SLC25A33: variants seen among roughly 807,000 people sequenced by gnomAD.
SLC25A33 encodes solute carrier family 25 member 33, also known as bone marrow stromal cell mitochondrial carrier protein.
In SLC25A33, 15 loss-of-function variants were observed where a neutral mutation model predicts 35.5. The ratio of observed to expected loss-of-function variants is 0.42; its 90% CI spans 0.28 to 0.65. The LOEUF is 0.65. SLC25A33 is among the 30% of genes least tolerant of loss of function. The pLI, the probability that SLC25A33 is intolerant of heterozygous loss-of-function variation, is 0.20. For missense variants in SLC25A33, 257 were observed against 398.5 expected, an observed-to-expected ratio of 0.64 and a Z score of 3.02; for synonymous variants, 136 against 148.7, an observed-to-expected ratio of 0.91 and a Z score of 0.62.
intron 1 of SLC25A33, among the ~76,000 whole-genome samples, chr1:9,545,206 T>G (rs979427389): frequency 4.6e-5 from 7 of 151,724 alleles, no homozygotes; most frequent in South Asian, 2.1e-4. Flanking sequence ...TTTTTGGTGG[T>G]TTTTTTTGTT....
intron 4 of SLC25A33, among the ~76,000 whole-genome samples, chr1:9,572,918 A>AT (rs1553147436): frequency 2.4e-3 from 367 of 151,458 alleles, no homozygotes; most frequent in African/African-American, 8.5e-3. Context: ...AAAAAAAAAA[A>AT]TTTTTTTAAA....
At chr1:9,555,793 T>C (rs1403540747) in intron 2 of SLC25A33, among the ~76,000 whole-genome samples, 1 of 152,228 alleles carries the variant, frequency 6.6e-6, no homozygotes, top group Non-Finnish European at 1.5e-5. Context: ...CAAGCGATTC[T>C]TCTGCCTCAG....
chr1:9,582,753 A>G lies in SLC25A33; in HGVS notation c.*252A>G, dbSNP rs2100418522. The G allele has an allele frequency of 2.2e-6, 1 of 462,538 alleles. No homozygotes were observed. Among genetic ancestry groups the G allele is most frequent in the East Asian group, 4.0e-5 (1 of 24,952 alleles). 28.7% of individuals were successfully genotyped at this position (462,538 alleles called of 1,614,324 possible). On this transcript the variant is annotated 3_prime_UTR_variant, in exon 7 of 7. Coordinates refer to ENST00000302692, the MANE Select transcript of SLC25A33 (RefSeq NM_032315.3). This position sits in a 1 kb window ranked among gnomAD's most constrained non-coding sequence, Gnocchi z 4.0. ...GGTTAAGCACCAACTAAATTAAATCATGCTATTTAATTTAAGTATACATTT... is the reference window on the plus strand; with the variant it reads ...GGTTAAGCACCAACTAAATTAAATCGTGCTATTTAATTTAAGTATACATTT...
chr1:9,564,765 T>TATATATATATATATATATACATATAC, intron 2 of SLC25A33, among the ~76,000 whole-genome samples: 1 of 114,826 alleles, frequency 8.7e-6, no homozygotes, highest in East Asian at 3.2e-4. Context: ...TATATATATA[T>TATATATATATATATATATACATATAC]ACACAAAAAT....
At chr1:9,570,702 G>GTTT (rs35547370) in intron 4 of SLC25A33, among the ~76,000 whole-genome samples, 299 of 100,048 alleles carry the variant, frequency 3.0e-3, no homozygotes, top group East Asian at 6.0e-3. Context: ...GATAGATATA[G>GTTT]TTTTTTTTTT....
chr1:9,563,733 C>A (rs1326785656), intron 2 of SLC25A33, among the ~76,000 whole-genome samples: 1 of 151,534 alleles, frequency 6.6e-6, no homozygotes, highest in Non-Finnish European at 1.5e-5. Flanking sequence ...CTTTCTGAGA[C>A]AGAGTCCTGC....
At chr1:9,543,377 C>T (rs750384344) in intron 1 of SLC25A33, among the ~76,000 whole-genome samples, 1 of 152,152 alleles carries the variant, frequency 6.6e-6, no homozygotes, top group African/African-American at 2.4e-5. Context: ...CTCCTGCCCT[C>T]AGGTGATCCG....
At chr1:9,555,175 T>C (rs953811610) in intron 2 of SLC25A33, among the ~76,000 whole-genome samples, 2 of 142,314 alleles carry the variant, frequency 1.4e-5, no homozygotes, top group African/African-American at 5.3e-5. Context: ...TGGAGTGCAG[T>C]GGTGCGATCT....
chr1:9,576,170 G>A (rs1021082152), intron 5 of SLC25A33, among the ~76,000 whole-genome samples: 1 of 152,226 alleles, frequency 6.6e-6, no homozygotes, highest in Non-Finnish European at 1.5e-5. Flanking sequence ...TCTCTCAGCA[G>A]TGAATATTTG....
chr1:9,556,821 C>T (rs1391558869), intron 2 of SLC25A33, among the ~76,000 whole-genome samples: 1 of 152,080 alleles, frequency 6.6e-6, no homozygotes, highest in Non-Finnish European at 1.5e-5. Flanking sequence ...GAACAACTTC[C>T]ACACCACACA....
Position 9,554,258 on chromosome 1 carries a change from G to A in SLC25A33, c.236+453G>A, listed in dbSNP as rs191673607. Among the ~76,000 whole-genome samples the A allele has an allele frequency of 3.2e-4, 48 of 152,208 alleles. 1 individual carries two copies. The highest frequency in any genetic ancestry group is 1.0e-3 in the African/African-American group (43 of 41,522). Reference sequence around the variant, plus strand: ...GAGTGCAATGGTGCGATCTTGGCTCGCTGCAGGTGATCTGCCCACCTTGGC... The same window carrying A: ...GAGTGCAATGGTGCGATCTTGGCTCACTGCAGGTGATCTGCCCACCTTGGC... On this transcript the variant is annotated intron_variant, in intron 2 of 6. Transcript: ENST00000302692.
At chr1:9,571,979 G>A (rs942900706) in intron 4 of SLC25A33, among the ~76,000 whole-genome samples, 3 of 152,126 alleles carry the variant, frequency 2.0e-5, no homozygotes, top group South Asian at 2.1e-4. Flanking sequence ...GGCATTTTAC[G>A]AAAAATTTGC....
At chr1:9,564,126 T>C (rs1037746996) in intron 2 of SLC25A33, among the ~76,000 whole-genome samples, 1 of 152,184 alleles carries the variant, frequency 6.6e-6, no homozygotes, top group African/African-American at 2.4e-5. Context: ...ACCATGGAAA[T>C]TGAACCATTG....
chr1:9,548,841 T>G (rs1643217397), intron 1 of SLC25A33, among the ~76,000 whole-genome samples: 1 of 152,290 alleles, frequency 6.6e-6, no homozygotes, highest in South Asian at 2.1e-4. Context: ...ACTGGAGCCC[T>G]CAGATGAACC....
At position 9,582,271 on chromosome 1, in the gene SLC25A33, C is replaced by G; in HGVS notation, c.764-28C>G. ...GATTCGTTCCCCATTTAATATGTGG[C>G]GTAAAGTAGGTCTTTCTCTCTCTGC... On this transcript the variant is annotated intron_variant, in intron 6 of 6. Coordinates refer to ENST00000302692, the MANE Select transcript of SLC25A33 (RefSeq NM_032315.3). This position sits in a 1 kb window ranked among gnomAD's most constrained non-coding sequence, Gnocchi z 4.0. 6.2e-7 allele frequency: 1 copy of G among 1,610,226 alleles called. No homozygotes were observed. Among genetic ancestry groups the G allele is most frequent in the Non-Finnish European group, 8.5e-7 (1 of 1,176,704 alleles).
rs117813735 is a variant in SLC25A33, at chr1:9,564,018, A to G, written c.237-3266A>G. ...GTGAGCTAGATCAACCTTAAGTGCT[A>G]TCAAATGGATGGTACTACTAGTAAA... On this transcript the variant is annotated intron_variant, in intron 2 of 6. Coordinates refer to ENST00000302692, the MANE Select transcript of SLC25A33 (RefSeq NM_032315.3). Among the ~76,000 whole-genome samples, 114 of 152,324 alleles carry G rather than the reference A, an allele frequency of 7.5e-4. 2 individuals carry two copies. In the East Asian group the frequency reaches 0.018, roughly 25 times the overall value.
chr1:9,554,240 A>T (rs1465656374), intron 2 of SLC25A33, among the ~76,000 whole-genome samples: 4 of 152,198 alleles, frequency 2.6e-5, no homozygotes, highest in African/African-American at 9.6e-5. Flanking sequence ...CTGGAGTGCA[A>T]TGGTGCGATC....
At chr1:9,551,807 A>G (rs543359946) in intron 1 of SLC25A33, among the ~76,000 whole-genome samples, 7 of 152,166 alleles carry the variant, frequency 4.6e-5, no homozygotes, top group Non-Finnish European at 1.0e-4. Context: ...CCCTGATGCC[A>G]GGGATGGAAA....
In SLC25A33 at chr1:9,580,212, C is replaced by G; in HGVS notation, c.741C>G (p.Ala247=). ...CTGCTGCTCTTTCTAAGGGCTGTGCCTCCTGCATTGCTTATCCACACGGTA... is the reference window on the plus strand; with the variant it reads ...CTGCTGCTCTTTCTAAGGGCTGTGCGTCCTGCATTGCTTATCCACACGGTA... ...MAAAALSKGC[A]SCIAYPHEVI... is the part of the protein sequence containing the mutation. Residue 247 remains alanine (A), a synonymous_variant, in exon 6 of 7, where the codon GCC becomes GCG. Coordinates refer to ENST00000302692, the MANE Select transcript of SLC25A33 (RefSeq NM_032315.3). The G allele has an allele frequency of 6.2e-7, 1 of 1,610,702 alleles. No individual in the cohort carries two copies. The highest frequency in any genetic ancestry group is 8.5e-7 in the Non-Finnish European group (1 of 1,178,902).
Sources: allele counts gnomAD v4.1 joint callset (sites outside exome capture counted in the v4.1 genomes callset), GRCh38; gene constraint gnomAD v4.1.1; non-coding constraint Gnocchi (gnomAD v3.1); transcripts MANE v1.5; gene names NCBI Gene and HGNC (gene_info 2026-07-23, HGNC 2026-07-21).